LSMEM2: variants seen among roughly 807,000 people sequenced by gnomAD.
LSMEM2 encodes the protein leucine-rich single-pass membrane protein 2.
In LSMEM2, 20 loss-of-function variants were observed where a neutral mutation model predicts 17.3. The observed-to-expected ratio is 1.16, with a 90% confidence interval of 0.81 to 1.68. The LOEUF (loss-of-function observed/expected upper bound fraction) is 1.68. LSMEM2 is among the 40% of genes most tolerant of loss of function. LSMEM2 has a pLI of 0.00. For missense variants in LSMEM2, 207 were observed against 214.3 expected, an observed-to-expected ratio of 0.97 and a Z score of 0.21; for synonymous variants, 94 against 97.8, an observed-to-expected ratio of 0.96 and a Z score of 0.23.
chr3:50,287,454 CCT>C lies in LSMEM2; in HGVS notation c.*253_*254del. 1 of 548,956 alleles carries C rather than the reference CCT, an allele frequency of 1.8e-6. No individual in the cohort carries two copies. Among genetic ancestry groups the C allele is most frequent in the Non-Finnish European group, 3.3e-6 (1 of 305,980 alleles). The allele number at this position is 548,956 out of a possible 1,614,324, so 34.0% of individuals were successfully genotyped here. On this transcript the variant is annotated 3_prime_UTR_variant, in exon 4 of 4. Coordinates refer to ENST00000316436, the MANE Select transcript of LSMEM2 (RefSeq NM_153215.3). ...AGGTCAGGGGAAGGGGCACCAGCCT[CCT>C]GGCTCCTCCTGTGGCCTGTCAACAC...
chr3:50,283,792 C>A (rs1323191168), intron 1 of LSMEM2, among the ~76,000 whole-genome samples: 1 of 150,872 alleles, frequency 6.6e-6, no homozygotes, highest in Non-Finnish European at 1.5e-5. Context: ...GAGACTCTGT[C>A]TCAAACAAAC....
chr3:50,279,217 A>G lies in LSMEM2; in HGVS notation c.58+46A>G, dbSNP rs1161265084. 5 of 1,570,000 alleles carry G rather than the reference A, an allele frequency of 3.2e-6. No individual in the cohort carries two copies. In the African/African-American group the frequency reaches 5.4e-5, roughly 17 times the overall value. On this transcript the variant is annotated intron_variant, in intron 1 of 3. Transcript: ENST00000316436. Reference sequence around the variant, plus strand: ...GGGAGGGCAAGGCCTCAGTCCTGTGACCTTGTGGACCATGGAGAGACCCAC... The same window carrying G: ...GGGAGGGCAAGGCCTCAGTCCTGTGGCCTTGTGGACCATGGAGAGACCCAC...
intron 1 of LSMEM2, among the ~76,000 whole-genome samples, chr3:50,281,056 A>G (rs1454016202): frequency 7.3e-6 from 1 of 137,280 alleles, no homozygotes; most frequent in Non-Finnish European, 1.5e-5. Context: ...ACAAAGAGGG[A>G]AATTTTTTTT....
Position 50,287,368 on chromosome 3 carries a change from G to T in LSMEM2, c.*166G>T. On this transcript the variant is annotated 3_prime_UTR_variant, in exon 4 of 4. Transcript: ENST00000316436. ...AACTTAATGGCTGCCTCCCTCTCCT[G>T]ATCTCTTCAAGCCAGGCCTAGCCAA... The T allele has an allele frequency of 1.0e-6, 1 of 960,852 alleles. No homozygotes were observed. Among genetic ancestry groups the T allele is most frequent in the African/African-American group, 1.6e-5 (1 of 61,406 alleles). The allele number at this position is 960,852 out of a possible 1,614,324, so 59.5% of individuals were successfully genotyped here. A position where few individuals can be genotyped will look rare whatever the true frequency, so the allele number is the denominator to read the frequency against.
Position 50,286,511 on chromosome 3 carries a change from G to T in LSMEM2, c.99G>T (p.Gly33=), listed in dbSNP as rs928946. Residue 33 remains glycine (G), a synonymous_variant, in exon 2 of 4, where the codon GGG becomes GGT. Transcript: ENST00000316436. ...APMMPSQRSR[G]PLAPNHVHEV... ...TGATGCCCAGCCAGAGGAGCAGGGG[G>T]CCATTGGCCCCCAACCACGTGCATG... is the stretch of plus-strand genomic sequence containing the variant. 2 of 1,610,896 alleles carry T rather than the reference G, an allele frequency of 1.2e-6. No homozygotes were observed. The highest frequency in any genetic ancestry group is 1.7e-6 in the Non-Finnish European group (2 of 1,179,106).
At chr3:50,286,619 G>T in intron 2 of LSMEM2, 35 bp downstream of exon 2, 1 of 1,611,408 alleles carries the variant, frequency 6.2e-7, no homozygotes, top group Non-Finnish European at 8.5e-7. Flanking sequence ...GATGTGCTGG[G>T]GGAGGGGACG....
chr3:50,286,475 C>T lies in LSMEM2; in HGVS notation c.63C>T (p.Ser21=), dbSNP rs782784099. Residue 21 remains serine (S), a synonymous_variant, in exon 2 of 4, where the codon TCC becomes TCT. Transcript: ENST00000316436. ...LAMPEETQED[S]VAPMMPSQRS... The stretch of plus-strand genomic sequence containing the variant: ...CAGCCTGCGCTGCCCCTGCAGACTC[C>T]GTGGCGCCAATGATGCCCAGCCAGA... The T allele has an allele frequency of 4.3e-5, 69 of 1,600,440 alleles. No individual in the cohort carries two copies. The highest frequency in any genetic ancestry group is 2.1e-4 in the Middle Eastern group (1 of 4,822).
At chr3:50,283,353 C>T (rs781867784) in intron 1 of LSMEM2, among the ~76,000 whole-genome samples, 8 of 151,914 alleles carry the variant, frequency 5.3e-5, no homozygotes, top group Non-Finnish European at 8.8e-5. Context: ...ATTGGCCGGG[C>T]GCGGTGGTTC....
chr3:50,285,515 C>G (rs1458966344), intron 1 of LSMEM2, among the ~76,000 whole-genome samples: 1 of 152,052 alleles, frequency 6.6e-6, no homozygotes, highest in Non-Finnish European at 1.5e-5. Context: ...TGGCACACGC[C>G]TGTAATCCCA....
intron 1 of LSMEM2, among the ~76,000 whole-genome samples, chr3:50,281,135 A>G (rs1701386122): frequency 6.6e-6 from 1 of 150,432 alleles, no homozygotes; most frequent in Non-Finnish European, 1.5e-5. Context: ...GGCTCATTGC[A>G]AGCTCTGCCT....
chr3:50,284,324 C>T (rs999319859), intron 1 of LSMEM2, among the ~76,000 whole-genome samples: 4 of 151,768 alleles, frequency 2.6e-5, no homozygotes, highest in African/African-American at 4.8e-5. Flanking sequence ...TATGTGTGCA[C>T]GTGTGCATGT....
intron 1 of LSMEM2, among the ~76,000 whole-genome samples, chr3:50,280,034 C>T (rs1296984082): frequency 6.6e-6 from 1 of 151,754 alleles, no homozygotes; most frequent in African/African-American, 2.4e-5. Context: ...GCCACCATGC[C>T]TAGCTAATTT....
At chr3:50,280,182 T>A (rs1179611458) in intron 1 of LSMEM2, among the ~76,000 whole-genome samples, 1 of 145,470 alleles carries the variant, frequency 6.9e-6, no homozygotes, top group Non-Finnish European at 1.5e-5. Flanking sequence ...CTCAACTTTT[T>A]TTTTTTTTGT....
chr3:50,286,478 G>T lies in LSMEM2; in HGVS notation c.66G>T (p.Val22=). The change falls in exon 2 of 4, where the codon GTG becomes GTT. Residue 22 remains valine, a synonymous_variant. Transcript: ENST00000316436. ...CCTGCGCTGCCCCTGCAGACTCCGT[G>T]GCGCCAATGATGCCCAGCCAGAGGA... ...AMPEETQEDS[V]APMMPSQRSR... 6.2e-7 allele frequency: 1 copy of T among 1,602,792 alleles called. No homozygotes were observed. The highest frequency in any genetic ancestry group is 8.5e-7 in the Non-Finnish European group (1 of 1,175,848).
At chr3:50,286,445 T>TA in intron 1 of LSMEM2, 26 bp from the exon 2 acceptor site, 3 of 1,570,180 alleles carry the variant, frequency 1.9e-6, no homozygotes, top group Non-Finnish European at 2.6e-6. Context: ...CACCACTGGC[T>TA]AAATCAGCCT....
chr3:50,286,440 C>A, intron 1 of LSMEM2, 31 bp from the exon 2 acceptor site: 1 of 1,562,860 alleles, frequency 6.4e-7, no homozygotes, highest in Non-Finnish European at 8.7e-7. Flanking sequence ...TGACCCACCA[C>A]TGGCTAAATC....
chr3:50,285,293 T>C (rs1553708242), intron 1 of LSMEM2, among the ~76,000 whole-genome samples: 4 of 151,170 alleles, frequency 2.6e-5, no homozygotes, highest in African/African-American at 7.3e-5. Context: ...ATCTTGCCAT[T>C]GCACTCCAGC....
chr3:50,280,638 G>A (rs587748179), intron 1 of LSMEM2, among the ~76,000 whole-genome samples: 23 of 149,654 alleles, frequency 1.5e-4, no homozygotes, highest in African/African-American at 5.2e-4. Context: ...CTGTCGCCCA[G>A]GCTGGAGTGC....
intron 1 of LSMEM2, among the ~76,000 whole-genome samples, chr3:50,279,401 CA>C: frequency 6.6e-6 from 1 of 152,322 alleles, no homozygotes; most frequent in Non-Finnish European, 1.5e-5. Flanking sequence ...CTGCTGGGGA[CA>C]TCAAGGAGGG....
Sources: allele counts gnomAD v4.1 joint callset (sites outside exome capture counted in the v4.1 genomes callset), GRCh38; gene constraint gnomAD v4.1.1; transcripts MANE v1.5; gene names NCBI Gene and HGNC (gene_info 2026-07-23, HGNC 2026-07-21).